Variants in ASCC3 observed in about 807,000 individuals in gnomAD.
ASCC3 encodes the protein activating signal cointegrator 1 complex subunit 3, also known as ASC-1 complex subunit P200.
ASCC3 carries 158 observed loss-of-function variants against 256.3 expected under a neutral mutation model. The ratio of observed to expected loss-of-function variants is 0.62; its 90% CI spans 0.54 to 0.70. The LOEUF is 0.70. Among genes scored for constraint, ASCC3 ranks in the 30% least tolerant of loss-of-function variants. The pLI, the probability that ASCC3 is intolerant of heterozygous loss-of-function variation, is 0.00. For synonymous variants in ASCC3, 948 were observed against 883.4 expected (o/e 1.07, Z -1.30); for missense variants, 2,259 against 2,626.0 (o/e 0.86, Z 3.05).
intron 1 of ASCC3, among the ~76,000 whole-genome samples, chr6:100,879,737 G>GA (rs1375962977): frequency 1.3e-5 from 2 of 152,102 alleles, no homozygotes; most frequent in Non-Finnish European, 2.9e-5. Context: ...CTTTGAAAAA[G>GA]AAAAACTTAC....
intron 36 of ASCC3, among the ~76,000 whole-genome samples, chr6:100,542,009 G>T (rs1252639918): frequency 6.6e-6 from 1 of 152,006 alleles, no homozygotes; most frequent in Non-Finnish European, 1.5e-5. Flanking sequence ...GAAACACAAA[G>T]AGAAAAAAGA....
intron 36 of ASCC3, among the ~76,000 whole-genome samples, chr6:100,560,748 AACACACACACACACACACACACACACAC>A (rs747539213): frequency 2.2e-5 from 3 of 133,946 alleles, no homozygotes; most frequent in Non-Finnish European, 3.2e-5. Flanking sequence ...ATCTTAGAGG[AACACACACACACACACACACACACACAC>A]ACACACACAC....
intron 10 of ASCC3, among the ~76,000 whole-genome samples, chr6:100,736,609 T>G (rs148094683): frequency 1.6e-4 from 24 of 152,292 alleles, no homozygotes; most frequent in African/African-American, 5.1e-4. Context: ...CACTGAAAAC[T>G]CTAAATGTGT....
At chr6:100,846,060 C>T (rs1026003189) in intron 4 of ASCC3, among the ~76,000 whole-genome samples, 2 of 152,152 alleles carry the variant, frequency 1.3e-5, no homozygotes, top group East Asian at 3.9e-4. Context: ...TAGAAATTAA[C>T]TGTTATCATA....
At chr6:100,661,323 T>TCACACACACA (rs749963143) in intron 16 of ASCC3, among the ~76,000 whole-genome samples, 4,624 of 141,550 alleles carry the variant, frequency 0.033, 104 homozygotes, top group African/African-American at 0.05. Flanking sequence ...AACACAAAAG[T>TCACACACACA]CACACACACA....
intron 8 of ASCC3, among the ~76,000 whole-genome samples, chr6:100,771,831 T>C (rs1781941541): frequency 6.7e-6 from 1 of 150,322 alleles, no homozygotes. Flanking sequence ...GCAGATAAAC[T>C]ACATGTACAA....
At chr6:100,814,821 TTC>T (rs546233244) in intron 4 of ASCC3, among the ~76,000 whole-genome samples, 3 of 152,270 alleles carry the variant, frequency 2.0e-5, no homozygotes, top group East Asian at 3.9e-4. Flanking sequence ...TATTTGGATT[TTC>T]TCTCTTTTCT....
At chr6:100,759,458 G>T (rs190633233) in intron 10 of ASCC3, among the ~76,000 whole-genome samples, 118 of 152,186 alleles carry the variant, frequency 7.8e-4, no homozygotes, top group South Asian at 4.4e-3. Context: ...TCTGCATATG[G>T]CTAGCCAGTT....
Position 100,775,548 on chromosome 6 carries a change from T to C in ASCC3, c.1396-8203A>G, listed in dbSNP as rs946527458. Among the ~76,000 whole-genome samples, 12 of 152,208 alleles carry C rather than the reference T, an allele frequency of 7.9e-5. No homozygotes were observed. In the South Asian group the frequency reaches 1.7e-3, roughly 21 times the overall value. On this transcript the variant is annotated intron_variant, in intron 8 of 41. Transcript: ENST00000369162. ...GTTTAAAATATGATGATTTATCTTG[T>C]TCGGTAAGTATCCTCTACATTTATT... is the stretch of plus-strand genomic sequence containing the variant.
At position 100,691,279 on chromosome 6, in the gene ASCC3, A is replaced by G. The variant is rs1777835899; in HGVS notation, c.2152-11527T>C. The stretch of plus-strand genomic sequence containing the variant: ...AGTCCCTGAAATACTAGGACCCCAG[A>G]AAATACAACAAAACGTATAGTTTAT... On this transcript the variant is annotated intron_variant, in intron 13 of 41. Coordinates refer to ENST00000369162, the MANE Select transcript of ASCC3 (RefSeq NM_006828.4). 3.3e-5 allele frequency among the ~76,000 whole-genome samples: 5 copies of G among 152,162 alleles called. No individual in the cohort carries two copies. In the South Asian group the frequency reaches 1.0e-3, roughly 32 times the overall value.
intron 14 of ASCC3, among the ~76,000 whole-genome samples, chr6:100,673,862 T>C (rs1183969376): frequency 2.0e-5 from 3 of 152,212 alleles, no homozygotes; most frequent in Non-Finnish European, 2.9e-5. Flanking sequence ...GCACCTTACA[T>C]TCCTGTGAAT....
At chr6:100,547,844 G>A (rs1335781397) in intron 36 of ASCC3, among the ~76,000 whole-genome samples, 1 of 151,736 alleles carries the variant, frequency 6.6e-6, no homozygotes, top group Non-Finnish European at 1.5e-5. Context: ...CTTGTACACA[G>A]TAGTTGGCAG....
At chr6:100,691,267 C>T (rs1735935116) in intron 13 of ASCC3, among the ~76,000 whole-genome samples, 1 of 151,926 alleles carries the variant, frequency 6.6e-6, no homozygotes, top group African/African-American at 2.4e-5. Context: ...CCCTGAAATA[C>T]TAGGACCCCA....
rs62420582 is a variant in ASCC3 at position 100,723,894 on chromosome 6, A to T, written c.1902+1645T>A. Among the ~76,000 whole-genome samples the T allele has an allele frequency of 6.5e-3, 710 of 109,252 alleles. 5 individuals are homozygous for T. Among genetic ancestry groups the T allele is most frequent in the Middle Eastern group, 0.014 (3 of 208 alleles). The allele number at this position is 109,252 out of a possible 152,430, so 71.7% of individuals were successfully genotyped here. A position where few individuals can be genotyped will look rare whatever the true frequency, so the allele number is the denominator to read the frequency against. On this transcript the variant is annotated intron_variant, in intron 11 of 41. Coordinates refer to ENST00000369162, the MANE Select transcript of ASCC3 (RefSeq NM_006828.4). Reference sequence around the variant, plus strand: ...TATATATATATATATATATATATATATATTTATAATTATATATATGACACA... The same window carrying T: ...TATATATATATATATATATATATATTTATTTATAATTATATATATGACACA...
chr6:100,858,507 G>C (rs1373197323), intron 3 of ASCC3: 1 of 887,950 alleles, frequency 1.1e-6, no homozygotes, highest in Admixed American at 6.2e-5. Context: ...AGTTTGCTGA[G>C]ATTTTTTATC....
chr6:100,633,430 C>G (rs1023268193), intron 25 of ASCC3, among the ~76,000 whole-genome samples: 4 of 151,588 alleles, frequency 2.6e-5, no homozygotes, highest in African/African-American at 9.7e-5. Flanking sequence ...TCGGATTTGC[C>G]AAGGAGAAGA....
chr6:100,540,352 G>A lies in ASCC3; in HGVS notation c.5586C>T (p.His1862=), dbSNP rs1304942571. 1.2e-6 allele frequency: 2 copies of A among 1,612,264 alleles called. No homozygotes were observed. Among genetic ancestry groups the A allele is most frequent in the Non-Finnish European group, 1.7e-6 (2 of 1,179,650 alleles). The part of the protein sequence containing the change: ...AEEYTDLPVR[H]NEDHMNSELA... ...GTTCACTATTCATATGATCTTCATT[G>A]TGTCTCACTGGCAAATCTGTATATT... The change falls in exon 37 of 42, where the codon CAC becomes CAT. Residue 1862 remains histidine (H), a synonymous_variant. Transcript: ENST00000369162.
intron 10 of ASCC3, among the ~76,000 whole-genome samples, chr6:100,766,305 T>C (rs1330508883): frequency 1.3e-5 from 2 of 152,170 alleles, no homozygotes; most frequent in Non-Finnish European, 1.5e-5. Context: ...TTTAAAAGAA[T>C]AGCCTTACTG....
intron 33 of ASCC3, among the ~76,000 whole-genome samples, chr6:100,604,200 T>C (rs777077489): frequency 2.0e-5 from 3 of 152,092 alleles, no homozygotes; most frequent in Non-Finnish European, 4.4e-5. Context: ...AATTTAAATA[T>C]TATTTGCATT....
Sources: gnomAD v4.1 joint callset for allele counts (sites outside exome capture counted in the v4.1 genomes callset) on GRCh38, gnomAD v4.1.1 for gene constraint, MANE v1.5 for transcripts, NCBI Gene and HGNC (gene_info 2026-07-23, HGNC 2026-07-21) for gene names.